Variants in SV2C observed in about 807,000 individuals in gnomAD.
SV2C encodes solute carrier family 22 member B3.
Under a neutral mutation model 79.7 loss-of-function variants are expected in SV2C, and 49 were observed. The ratio of observed to expected loss-of-function variants is 0.61; its 90% confidence interval spans 0.49 to 0.78. The LOEUF is 0.78. Among genes scored for constraint, SV2C ranks in the 30% least tolerant of loss-of-function variants. The probability of loss-of-function intolerance (pLI) is 0.00; values close to 1 mark genes in which losing one functional copy is unlikely to be tolerated. For synonymous variants in SV2C, 334 were observed against 333.2 expected (o/e 1.00, Z -0.03); for missense variants, 833 against 912.9 (o/e 0.91, Z 1.13).
intron 2 of SV2C, among the ~76,000 whole-genome samples, chr5:76,159,544 G>T (rs76468569): frequency 1.3e-5 from 2 of 152,160 alleles, no homozygotes; most frequent in African/African-American, 4.8e-5. Context: ...CAAGGTGTTG[G>T]GAGTCCCTTT....
chr5:75,979,233 C>G, the SV2C span, among the ~76,000 whole-genome samples: 3 of 152,070 alleles, frequency 2.0e-5, no homozygotes, highest in Non-Finnish European at 4.4e-5. Flanking sequence ...ATTCATAAAG[C>G]AAGTTCTTAG....
the SV2C span, among the ~76,000 whole-genome samples, chr5:75,969,195 C>A: frequency 9.9e-5 from 15 of 152,170 alleles, no homozygotes; most frequent in Non-Finnish European, 2.1e-4. Context: ...AGGAAAGGAA[C>A]AACTGGTACC....
the SV2C span, among the ~76,000 whole-genome samples, chr5:75,854,200 A>G: frequency 0.04 from 6,140 of 152,176 alleles, 161 homozygotes; most frequent in Non-Finnish European, 0.06. Context: ...TTTCACATAT[A>G]TGTACTTCAT....
chr5:75,913,533 G>A, the SV2C span, among the ~76,000 whole-genome samples: 1 of 152,264 alleles, frequency 6.6e-6, no homozygotes, highest in East Asian at 1.9e-4. Flanking sequence ...GAGTGGAGGA[G>A]GCTGTATTTC....
the SV2C span, among the ~76,000 whole-genome samples, chr5:75,964,515 C>A: frequency 6.6e-6 from 1 of 152,072 alleles, no homozygotes; most frequent in Admixed American, 6.6e-5. Flanking sequence ...GTCAGACTCT[C>A]GGTAAGCTCC....
At chr5:76,323,427 C>T (rs963166522) in intron 12 of SV2C, among the ~76,000 whole-genome samples, 4 of 152,208 alleles carry the variant, frequency 2.6e-5, no homozygotes, top group African/African-American at 9.7e-5. Context: ...AACACTTTTA[C>T]ACTGTTGGTG....
At chr5:76,352,865 AT>A (rs1199838950) in intron 12 of SV2C, among the ~76,000 whole-genome samples, 1 of 151,862 alleles carries the variant, frequency 6.6e-6, no homozygotes, top group Non-Finnish European at 1.5e-5. Context: ...CCACATATTA[AT>A]ATTGCTCCCA....
At chr5:76,011,639 T>G in the SV2C span, among the ~76,000 whole-genome samples, 4 of 152,194 alleles carry the variant, frequency 2.6e-5, no homozygotes, top group Non-Finnish European at 4.4e-5. Flanking sequence ...TACTTTAAGT[T>G]CTGGGATACA....
rs561079924 is a variant in SV2C, at chr5:76,105,945, T to G, written c.-102+22433T>G. The stretch of plus-strand genomic sequence containing the variant: ...CTAACAGTCTTGGTGATCTCATCCA[T>G]TCTTGTGGCTTCAAACTCCATCTAT... On this transcript the variant is annotated intron_variant, in intron 1 of 12. Coordinates refer to ENST00000502798, the MANE Select transcript of SV2C (RefSeq NM_014979.4). 2.6e-5 allele frequency among the ~76,000 whole-genome samples: 4 copies of G among 152,254 alleles called. No homozygotes were observed. The South Asian group carries it at 8.3e-4, about 32-fold the overall frequency.
At chr5:76,084,617 T>C (rs1167068462) in intron 1 of SV2C, among the ~76,000 whole-genome samples, 2 of 129,400 alleles carry the variant, frequency 1.5e-5, no homozygotes, top group Non-Finnish European at 1.6e-5. Flanking sequence ...AGGTGCCGCC[T>C]GGACGGCCTG....
chr5:75,903,863 T>G, the SV2C span, among the ~76,000 whole-genome samples: 1 of 152,244 alleles, frequency 6.6e-6, no homozygotes, highest in South Asian at 2.1e-4. Flanking sequence ...ATTATTCTCA[T>G]GGCAGAATTA....
chr5:75,991,937 T>C, the SV2C span, among the ~76,000 whole-genome samples: 1 of 151,890 alleles, frequency 6.6e-6, no homozygotes, highest in Non-Finnish European at 1.5e-5. Flanking sequence ...CTGGTATCAG[T>C]ACCTGCTCCA....
chr5:76,204,506 T>C (rs1234560523), intron 3 of SV2C, among the ~76,000 whole-genome samples: 1 of 152,168 alleles, frequency 6.6e-6, no homozygotes, highest in Non-Finnish European at 1.5e-5. Context: ...CCAGTGGAAA[T>C]GGGAAATGGA....
intron 4 of SV2C, among the ~76,000 whole-genome samples, chr5:76,245,686 G>A (rs193179431): frequency 6.6e-6 from 1 of 152,166 alleles, no homozygotes; most frequent in Non-Finnish European, 1.5e-5. Flanking sequence ...ACCAATGACA[G>A]CTGTTAACTC....
chr5:75,984,632 G>A, the SV2C span, among the ~76,000 whole-genome samples: 3 of 138,290 alleles, frequency 2.2e-5, no homozygotes, highest in African/African-American at 8.7e-5. Context: ...TCATCTATCT[G>A]TCATCTGTCT....
chr5:76,033,196 T>A, the SV2C span, among the ~76,000 whole-genome samples: 6 of 152,076 alleles, frequency 3.9e-5, no homozygotes, highest in African/African-American at 9.7e-5. Context: ...ATTTTGTAGG[T>A]TGCCTGTTCA....
chr5:76,085,010 G>A (rs1747133039), intron 1 of SV2C, among the ~76,000 whole-genome samples: 1 of 152,220 alleles, frequency 6.6e-6, no homozygotes, highest in Admixed American at 6.5e-5. Flanking sequence ...AGATGAGACC[G>A]GGATGCCGTG....
the SV2C span, among the ~76,000 whole-genome samples, chr5:75,972,971 T>A: frequency 2.0e-5 from 3 of 152,102 alleles, no homozygotes; most frequent in African/African-American, 7.3e-5. Context: ...ATATGGCACC[T>A]ATATACCATG....
chr5:76,125,059 G>A (rs1748656110), intron 1 of SV2C, among the ~76,000 whole-genome samples: 1 of 152,176 alleles, frequency 6.6e-6, no homozygotes, highest in Non-Finnish European at 1.5e-5. Flanking sequence ...GACAACTGCT[G>A]AGGTCTTTAC....
Sources: allele counts gnomAD v4.1 joint callset (sites outside exome capture counted in the v4.1 genomes callset), GRCh38; gene constraint gnomAD v4.1.1; transcripts MANE v1.5; gene names NCBI Gene and HGNC (gene_info 2026-07-23, HGNC 2026-07-21).